PCSK6: variants seen among roughly 807,000 people sequenced by gnomAD.
The protein encoded by PCSK6 is proprotein convertase subtilisin/kexin type 6.
In PCSK6, 85 loss-of-function variants were observed where a neutral mutation model predicts 123.3. That is an observed-to-expected ratio of 0.69 (90% confidence interval 0.58 to 0.83). The LOEUF (loss-of-function observed/expected upper bound fraction) is 0.83, where lower values mean the gene tolerates loss of function less well. Among genes scored for constraint, PCSK6 ranks in the 40% least tolerant of loss-of-function variants. The pLI is 0.00. For synonymous variants in PCSK6, 508 were observed against 516.0 expected, an observed-to-expected ratio of 0.98 and a Z score of 0.21; for missense variants, 1,191 against 1,282.3, an observed-to-expected ratio of 0.93 and a Z score of 1.09.
intron 1 of PCSK6, among the ~76,000 whole-genome samples, chr15:101,480,596 A>C (rs2057852241): frequency 1.3e-5 from 2 of 152,220 alleles, no homozygotes; most frequent in South Asian, 4.1e-4. Flanking sequence ...TGGGTCCTCC[A>C]GATGCTCAAA....
chr15:101,431,359 A>G lies in PCSK6; in HGVS notation c.618T>C (p.Asp206=). The change falls in exon 4 of 22, where the codon GAT becomes GAC. Residue 206 remains aspartate (D), a synonymous_variant. Coordinates refer to ENST00000611716, the MANE Select transcript of PCSK6 (RefSeq NM_002570.5). ...GKNVVVTILD[D]GIERNHPDLA... is the part of the protein sequence containing the mutation. ...GGTCAGGGTGATTTCTCTCTATGCCATCATCAAGGATGGTGACCACCACGT... is the reference window on the plus strand; with the variant it reads ...GGTCAGGGTGATTTCTCTCTATGCCGTCATCAAGGATGGTGACCACCACGT... 6.2e-7 allele frequency: 1 copy of G among 1,614,018 alleles called. No individual in the cohort carries two copies. Among genetic ancestry groups the G allele is most frequent in the African/African-American group, 1.3e-5 (1 of 75,050 alleles).
At chr15:101,433,798 G>A (rs971362382) in intron 2 of PCSK6, among the ~76,000 whole-genome samples, 1 of 152,240 alleles carries the variant, frequency 6.6e-6, no homozygotes, top group Admixed American at 6.5e-5. Context: ...AGCAAGGAGA[G>A]CGGAGCACCT....
intron 15 of PCSK6, among the ~76,000 whole-genome samples, chr15:101,331,017 T>C (rs1278436295): frequency 6.6e-6 from 1 of 152,234 alleles, no homozygotes; most frequent in African/African-American, 2.4e-5. Context: ...CCGTAGTATT[T>C]AGCTAAGGAA....
chr15:101,405,096 C>T (rs971015482), intron 6 of PCSK6, among the ~76,000 whole-genome samples: 1 of 152,082 alleles, frequency 6.6e-6, no homozygotes, highest in Non-Finnish European at 1.5e-5. Flanking sequence ...GACAAGTTGC[C>T]AACAAAGAAA....
intron 1 of PCSK6, among the ~76,000 whole-genome samples, chr15:101,450,235 A>C: frequency 6.9e-6 from 1 of 145,836 alleles, no homozygotes; most frequent in Non-Finnish European, 1.5e-5. Context: ...TGACACTCCC[A>C]CCCTGACTCC....
At chr15:101,470,614 G>A (rs935782361) in intron 1 of PCSK6, among the ~76,000 whole-genome samples, 2 of 152,160 alleles carry the variant, frequency 1.3e-5, no homozygotes, top group African/African-American at 4.8e-5. Context: ...AGAATTAGGA[G>A]AATCTATAAA....
intron 6 of PCSK6, among the ~76,000 whole-genome samples, chr15:101,410,133 A>G (rs2042903905): frequency 6.6e-6 from 1 of 152,114 alleles, no homozygotes; most frequent in African/African-American, 2.4e-5. Context: ...GGGTCTCACT[A>G]TGTTGTTGAG....
intron 1 of PCSK6, among the ~76,000 whole-genome samples, chr15:101,481,066 C>T (rs192848358): frequency 9.2e-5 from 14 of 152,304 alleles, no homozygotes; most frequent in Non-Finnish European, 1.8e-4. Context: ...AATGAACGCA[C>T]GTCTGCCGGC....
At chr15:101,341,446 G>C (rs978557734) in intron 13 of PCSK6, among the ~76,000 whole-genome samples, 5 of 151,874 alleles carry the variant, frequency 3.3e-5, no homozygotes, top group Admixed American at 6.6e-5. Context: ...ATTTTTAGTA[G>C]AGATGAGGTT....
In PCSK6 at chr15:101,340,953, T is replaced by C. The variant is rs2040589908; in HGVS notation, c.1859-8922A>G. ...TTATGTGCTTCTCCCAAATTTTTTT[T>C]TTTTTTTTTTGAGACAGAGTCACCC... On this transcript the variant is annotated intron_variant, in intron 13 of 21. Coordinates refer to ENST00000611716, the MANE Select transcript of PCSK6 (RefSeq NM_002570.5). Among the ~76,000 whole-genome samples the C allele has an allele frequency of 2.0e-5, 3 of 151,882 alleles. No individual in the cohort carries two copies. The South Asian group carries it at 6.3e-4, about 32-fold the overall frequency.
chr15:101,463,219 A>T (rs1439076952), intron 1 of PCSK6: 1 of 430,408 alleles, frequency 2.3e-6, no homozygotes, highest in East Asian at 7.1e-5. Flanking sequence ...CGGTTTTGGA[A>T]ACAGAAAATG....
chr15:101,310,406 G>A (rs143824940), intron 20 of PCSK6, among the ~76,000 whole-genome samples: 2 of 152,386 alleles, frequency 1.3e-5, no homozygotes, highest in East Asian at 1.9e-4. Context: ...TTGCACAGCT[G>A]TGGGCATGAT....
intron 16 of PCSK6, among the ~76,000 whole-genome samples, chr15:101,326,056 C>T (rs943253377): frequency 6.6e-6 from 1 of 152,370 alleles, no homozygotes; most frequent in South Asian, 2.1e-4. Context: ...GAATCGCATC[C>T]GTCTCCAGGC....
At chr15:101,341,849 T>C (rs941749353) in intron 13 of PCSK6, among the ~76,000 whole-genome samples, 2 of 152,122 alleles carry the variant, frequency 1.3e-5, no homozygotes, top group African/African-American at 2.4e-5. Flanking sequence ...TTTCCCTTAA[T>C]TTATTTAAAA....
intron 18 of PCSK6, among the ~76,000 whole-genome samples, chr15:101,321,566 G>GT (rs1308477394): frequency 1.3e-5 from 2 of 152,258 alleles, no homozygotes; most frequent in Non-Finnish European, 2.9e-5. Flanking sequence ...GATATGCTCA[G>GT]TAAGTTTTCT....
At chr15:101,370,659 G>T in intron 11 of PCSK6, 136 bp from the exon 12 acceptor site, 1 of 628,852 alleles carries the variant, frequency 1.6e-6, no homozygotes, top group Non-Finnish European at 2.4e-6. Flanking sequence ...AGCCGCAGCA[G>T]CCTCTGACTG....
At chr15:101,402,508 C>T (rs868073982) in intron 6 of PCSK6, among the ~76,000 whole-genome samples, 43 of 152,222 alleles carry the variant, frequency 2.8e-4, no homozygotes, top group Middle Eastern at 6.8e-3. Context: ...AGAAAATTTT[C>T]GCAACCTACT....
chr15:101,450,086 G>C (rs113979320), intron 1 of PCSK6, among the ~76,000 whole-genome samples: 2,757 of 152,180 alleles, frequency 0.018, 79 homozygotes, highest in African/African-American at 0.054. Context: ...CTTGGTAAAA[G>C]CCACCACCAA....
chr15:101,354,846 C>A (rs902642394), intron 13 of PCSK6, among the ~76,000 whole-genome samples: 1 of 152,120 alleles, frequency 6.6e-6, no homozygotes, highest in African/African-American at 2.4e-5. Context: ...TCATAGGCAT[C>A]GTGGTCATGT....
Sources: gnomAD v4.1 joint callset for allele counts (sites outside exome capture counted in the v4.1 genomes callset) on GRCh38, gnomAD v4.1.1 for gene constraint, MANE v1.5 for transcripts, NCBI Gene and HGNC (gene_info 2026-07-23, HGNC 2026-07-21) for gene names.